Variants in KIAA1191 observed in about 807,000 individuals in gnomAD.
KIAA1191 encodes putative monooxygenase p33MONOX.
Under a neutral mutation model 31.1 loss-of-function variants are expected in KIAA1191, and 22 were observed. That is an observed-to-expected ratio of 0.71 (90% CI 0.51 to 1.01). The LOEUF is 1.01. Ranked by LOEUF, KIAA1191 falls within the 50% of genes least tolerant of loss-of-function variation. KIAA1191 has a pLI of 0.00. For missense variants in KIAA1191, 319 were observed against 388.0 expected (o/e 0.82, Z 1.49); for synonymous variants, 130 against 143.9 (o/e 0.90, Z 0.69).
intron 3 of KIAA1191, 50 bp downstream of exon 3, chr5:176,359,429 TAA>T: frequency 6.4e-7 from 1 of 1,569,554 alleles, no homozygotes; most frequent in Non-Finnish European, 8.8e-7. Flanking sequence ...CTGTCTAGCT[TAA>T]AACATTAATA....
chr5:176,359,293 T>C (rs868607535), intron 3 of KIAA1191, among the ~76,000 whole-genome samples, 188 bp downstream of exon 3: 5 of 152,144 alleles, frequency 3.3e-5, no homozygotes, highest in Middle Eastern at 6.8e-3. Flanking sequence ...CACTCCAGCC[T>C]GGGCAACAGA....
Position 176,352,767 on chromosome 5 carries a change from G to A in KIAA1191, c.208-19C>T. On this transcript the variant is annotated intron_variant, in intron 4 of 8. Coordinates refer to ENST00000298569, the MANE Select transcript of KIAA1191 (RefSeq NM_020444.5). The stretch of plus-strand genomic sequence containing the variant: ...CCTCCACCTGTTCAAGAGAGGTACA[G>A]TACAGAAGCACTTAGGCAGGGCAGG... The A allele has an allele frequency of 6.2e-7, 1 of 1,606,418 alleles. No homozygotes were observed. Among genetic ancestry groups the A allele is most frequent in the Non-Finnish European group, 8.5e-7 (1 of 1,175,466 alleles).
rs1249626827 is a variant in KIAA1191, at chr5:176,348,076, GAAC to G, written c.567-16_567-14del. The G allele has an allele frequency of 6.2e-7, 1 of 1,612,892 alleles. No homozygotes were observed. Among genetic ancestry groups the G allele is most frequent in the Non-Finnish European group, 8.5e-7 (1 of 1,179,610 alleles). On this transcript the variant is annotated splice_polypyrimidine_tract_variant and intron_variant, in intron 7 of 8. Coordinates refer to ENST00000298569, the MANE Select transcript of KIAA1191 (RefSeq NM_020444.5). ...AGTGAACCAGCCCCTGGGAAAGAAA[GAAC>G]AAAACATATCCTAAAATACCTCTTC...
intron 7 of KIAA1191, 57 bp from the exon 8 acceptor site, chr5:176,348,120 TG>T: frequency 6.2e-7 from 1 of 1,605,494 alleles, no homozygotes; most frequent in South Asian, 1.1e-5. Context: ...CCCCTAGAAA[TG>T]TCTCACACCA....
rs1766564840 is a variant in KIAA1191, at chr5:176,347,060, A to G, written c.*540T>C. On this transcript the variant is annotated 3_prime_UTR_variant, in exon 9 of 9. Transcript: ENST00000298569. ...AAAATAGGTAATGAGGTCCCCATAC[A>G]CCCGTGCTGAGAATATTAGTCTAAC... The G allele has an allele frequency of 6.6e-6, 1 of 152,214 alleles. No homozygotes were observed. 9.4% of individuals were successfully genotyped at this position (152,214 alleles called of 1,614,324 possible).
intron 6 of KIAA1191, 118 bp downstream of exon 6, chr5:176,350,495 G>A (rs1412728293): frequency 2.9e-5 from 37 of 1,280,306 alleles, no homozygotes; most frequent in African/African-American, 5.9e-5. Context: ...CTAAGAGCTC[G>A]GGAGCGAGAC....
rs576698223 is a variant in KIAA1191, at chr5:176,358,000, T to C, written c.28+1481A>G. 5.3e-5 allele frequency among the ~76,000 whole-genome samples: 8 copies of C among 152,284 alleles called. No homozygotes were observed. The East Asian group carries it at 1.5e-3, about 29-fold the overall frequency. On this transcript the variant is annotated intron_variant, in intron 3 of 8. Coordinates refer to ENST00000298569, the MANE Select transcript of KIAA1191 (RefSeq NM_020444.5). The stretch of plus-strand genomic sequence containing the variant: ...GTTTAATCTTCACAACCCCGAGAGA[T>C]AGGAACCATCATCTTTCTTCATCAT...
rs1426815540 is a variant in KIAA1191 at position 176,355,091 on chromosome 5, T to C, written c.207+480A>G. 3.9e-5 allele frequency among the ~76,000 whole-genome samples: 6 copies of C among 152,108 alleles called. No homozygotes were observed. The East Asian group carries it at 7.7e-4, about 20-fold the overall frequency. On this transcript the variant is annotated intron_variant, in intron 4 of 8. Coordinates refer to ENST00000298569, the MANE Select transcript of KIAA1191 (RefSeq NM_020444.5). This position sits in a 1 kb window ranked among gnomAD's most constrained non-coding sequence, Gnocchi z 4.2. ...CAAGAATTTTAGGTAACTTGCACAG[T>C]TCAAGCACTGGGTAGGGGAGCTGGA...
chr5:176,358,095 ACAATT>A (rs1005291395), intron 3 of KIAA1191, among the ~76,000 whole-genome samples: 2 of 152,196 alleles, frequency 1.3e-5, no homozygotes, highest in African/African-American at 4.8e-5. Flanking sequence ...TTCTCATAAA[ACAATT>A]CAAGTAGTCA....
In KIAA1191 at chr5:176,347,461, A is replaced by G. The variant is rs1215676508; in HGVS notation, c.*139T>C. ...AGGTATCCACCTACCTTGGCCTCCC[A>G]AAGTGCTGGGATTACAGGCGTGAGC... On this transcript the variant is annotated 3_prime_UTR_variant, in exon 9 of 9. Coordinates refer to ENST00000298569, the MANE Select transcript of KIAA1191 (RefSeq NM_020444.5). 4 of 629,620 alleles carry G rather than the reference A, an allele frequency of 6.4e-6. No homozygotes were observed. The highest frequency in any genetic ancestry group is 3.2e-5 in the Admixed American group (1 of 31,740). 39.0% of individuals were successfully genotyped at this position (629,620 alleles called of 1,614,324 possible).
chr5:176,347,462 A>C lies in KIAA1191; in HGVS notation c.*138T>G. 1.6e-6 allele frequency: 1 copy of C among 630,816 alleles called. No homozygotes were observed. Among genetic ancestry groups the C allele is most frequent in the Non-Finnish European group, 2.4e-6 (1 of 408,620 alleles). 39.1% of individuals were successfully genotyped at this position (630,816 alleles called of 1,614,324 possible). A position where few individuals can be genotyped will look rare whatever the true frequency, so the allele number is the denominator to read the frequency against. ...GGTATCCACCTACCTTGGCCTCCCA[A>C]AGTGCTGGGATTACAGGCGTGAGCC... On this transcript the variant is annotated 3_prime_UTR_variant, in exon 9 of 9. Transcript: ENST00000298569.
chr5:176,359,008 C>T (rs1238052336), intron 3 of KIAA1191, among the ~76,000 whole-genome samples: 11 of 149,628 alleles, frequency 7.4e-5, no homozygotes, highest in African/African-American at 2.5e-4. Flanking sequence ...GGTGTGAACC[C>T]GGGAGGCGGA....
intron 3 of KIAA1191, among the ~76,000 whole-genome samples, chr5:176,357,665 C>A (rs1331023438): frequency 6.6e-6 from 1 of 152,226 alleles, no homozygotes; most frequent in African/African-American, 2.4e-5. Flanking sequence ...AAAGCATTCA[C>A]TGAATGGGCA....
rs76613907 is a variant in KIAA1191 at position 176,358,010 on chromosome 5, C to T, written c.28+1471G>A. Among the ~76,000 whole-genome samples, 209 of 152,202 alleles carry T rather than the reference C, an allele frequency of 1.4e-3. No homozygotes were observed. The East Asian group carries it at 0.025, about 18-fold the overall frequency. Reference sequence around the variant, plus strand: ...CACAACCCCGAGAGATAGGAACCATCATCTTTCTTCATCATCATACTTTAC... The same window carrying T: ...CACAACCCCGAGAGATAGGAACCATTATCTTTCTTCATCATCATACTTTAC... On this transcript the variant is annotated intron_variant, in intron 3 of 8. Coordinates refer to ENST00000298569, the MANE Select transcript of KIAA1191 (RefSeq NM_020444.5).
At chr5:176,360,682 T>C (rs1206002148) in intron 1 of KIAA1191, among the ~76,000 whole-genome samples, 1 of 151,706 alleles carries the variant, frequency 6.6e-6, no homozygotes, top group Non-Finnish European at 1.5e-5. Context: ...GCGCCTGTAA[T>C]CCCAGCTACT....
At position 176,350,705 on chromosome 5, in the gene KIAA1191, G is replaced by A. The variant is rs374948228; in HGVS notation, c.367C>T (p.Arg123Ter). The change falls in exon 6 of 9, where the codon CGA becomes TGA. Residue 123 changes from arginine (R) to a stop codon, truncating the protein, a stop_gained. Coordinates refer to ENST00000298569, the MANE Select transcript of KIAA1191 (RefSeq NM_020444.5). LOFTEE classifies it high-confidence loss of function. ...QTQESIQHFERQAGLRDAGYT... is the reference protein window; with the variant it reads ...QTQESIQHFE The stretch of plus-strand genomic sequence containing the variant: ...CCAGCATCTCTCAGCCCTGCCTGTC[G>A]CTCAAAATGCTGAATGCTTTCCTGG... The A allele has an allele frequency of 4.8e-5, 77 of 1,613,938 alleles. No homozygotes were observed. The highest frequency in any genetic ancestry group is 1.6e-4 in the Middle Eastern group (1 of 6,082).
chr5:176,349,902 C>G (rs1264711986), intron 6 of KIAA1191, among the ~76,000 whole-genome samples: 1 of 152,168 alleles, frequency 6.6e-6, no homozygotes, highest in African/African-American at 2.4e-5. Flanking sequence ...TGTCTCTTCA[C>G]AATCTGCCCC....
At chr5:176,360,822 TA>T (rs944174050) in intron 1 of KIAA1191, among the ~76,000 whole-genome samples, 3 of 151,496 alleles carry the variant, frequency 2.0e-5, no homozygotes, top group Admixed American at 2.0e-4. Context: ...TTAAAAAAAT[TA>T]AAAAAATGTT....
Position 176,347,456 on chromosome 5 carries a change from C to T in KIAA1191, c.*144G>A. The T allele has an allele frequency of 1.7e-6, 1 of 580,604 alleles. No individual in the cohort carries two copies. Among genetic ancestry groups the T allele is most frequent in the Non-Finnish European group, 2.7e-6 (1 of 366,178 alleles). The allele number at this position is 580,604 out of a possible 1,614,324, so 36.0% of individuals were successfully genotyped here. The stretch of plus-strand genomic sequence containing the variant: ...ACCTCAGGTATCCACCTACCTTGGC[C>T]TCCCAAAGTGCTGGGATTACAGGCG... On this transcript the variant is annotated 3_prime_UTR_variant, in exon 9 of 9. Transcript: ENST00000298569.
Sources: gnomAD v4.1 joint callset for allele counts (sites outside exome capture counted in the v4.1 genomes callset) on GRCh38, gnomAD v4.1.1 for gene constraint, Gnocchi (gnomAD v3.1) non-coding constraint, MANE v1.5 for transcripts, NCBI Gene and HGNC (gene_info 2026-07-23, HGNC 2026-07-21) for gene names.